The following TMEM244 variants were observed in gnomAD, a reference collection of about 807,000 sequenced individuals.
TMEM244 encodes the protein putative transmembrane protein 244.
Under a neutral mutation model 15.8 loss-of-function variants are expected in TMEM244, and 13 were observed. The observed-to-expected ratio is 0.82, with a 90% CI of 0.53 to 1.30. The LOEUF is 1.30. TMEM244 is among the 50% of genes most tolerant of loss of function. TMEM244 has a pLI of 0.00. For synonymous variants in TMEM244, 45 were observed against 48.7 expected, an observed-to-expected ratio of 0.92 and a Z score of 0.32; for missense variants, 161 against 144.9, an observed-to-expected ratio of 1.11 and a Z score of -0.57.
intron 3 of TMEM244, among the ~76,000 whole-genome samples, chr6:129,838,533 A>G (rs1426418812): frequency 6.6e-6 from 1 of 152,216 alleles, no homozygotes; most frequent in African/African-American, 2.4e-5. Flanking sequence ...ATAGAGAAGC[A>G]AGAGCAAAAA....
At chr6:129,844,585 C>G (rs911728435) in intron 2 of TMEM244, among the ~76,000 whole-genome samples, 9 of 152,190 alleles carry the variant, frequency 5.9e-5, no homozygotes, top group Admixed American at 1.3e-4. Context: ...GCTGGCCAAC[C>G]AGTTAGCTGC....
intron 3 of TMEM244, among the ~76,000 whole-genome samples, chr6:129,836,102 G>T (rs1169418764): frequency 1.3e-5 from 2 of 152,130 alleles, no homozygotes; most frequent in Non-Finnish European, 2.9e-5. Context: ...CAGACAGACT[G>T]CCTCCTCAAA....
chr6:129,836,840 A>G (rs542259817), intron 3 of TMEM244, among the ~76,000 whole-genome samples: 1 of 152,310 alleles, frequency 6.6e-6, no homozygotes, highest in East Asian at 1.9e-4. Flanking sequence ...CTGAAGATCA[A>G]ATTAATGAAA....
intron 3 of TMEM244, among the ~76,000 whole-genome samples, chr6:129,839,701 T>C (rs1021617662): frequency 2.0e-5 from 3 of 152,204 alleles, no homozygotes; most frequent in Non-Finnish European, 4.4e-5. Context: ...GCCCAAAGTC[T>C]CCTTAAGCTG....
intron 1 of TMEM244, among the ~76,000 whole-genome samples, chr6:129,859,386 CT>C (rs1241504486): frequency 3.9e-5 from 6 of 152,316 alleles, no homozygotes; most frequent in Admixed American, 3.3e-4. Flanking sequence ...AGATATGACT[CT>C]CTCACTTGTA....
chr6:129,841,007 A>T (rs138275832), intron 3 of TMEM244, among the ~76,000 whole-genome samples: 22,552 of 152,230 alleles, frequency 0.15, 1,830 homozygotes, highest in South Asian at 0.24. Flanking sequence ...ATTGCGGAAG[A>T]CTGTGTGGCG....
chr6:129,858,272 A>T (rs1776747249), intron 1 of TMEM244, among the ~76,000 whole-genome samples: 1 of 152,130 alleles, frequency 6.6e-6, no homozygotes, highest in African/African-American at 2.4e-5. Context: ...CTATACTCAA[A>T]TGATTTAAGT....
chr6:129,854,168 T>C (rs1229853562), intron 1 of TMEM244, among the ~76,000 whole-genome samples: 15 of 152,318 alleles, frequency 9.8e-5, no homozygotes, highest in Admixed American at 6.5e-5. Flanking sequence ...GGCTCCCTAA[T>C]ATATGTGTAG....
chr6:129,836,060 G>A (rs984348120), intron 3 of TMEM244, among the ~76,000 whole-genome samples: 1 of 152,154 alleles, frequency 6.6e-6, no homozygotes, highest in Non-Finnish European at 1.5e-5. Context: ...GAGAGCAGTT[G>A]TTCTCTCAGC....
rs144972173 is a variant in TMEM244, at chr6:129,842,992, T to C, written c.193+538A>G. Among the ~76,000 whole-genome samples, 565 of 151,942 alleles carry C rather than the reference T, an allele frequency of 3.7e-3. 3 individuals carry two copies. The highest frequency in any genetic ancestry group is 0.013 in the African/African-American group (541 of 41,470). On this transcript the variant is annotated intron_variant, in intron 3 of 4. Transcript: ENST00000368143. ...TGTTTTTCTTCTGCAGCAAGTTCTA[T>C]ACTATTTTGGGAAGAAAAATAAAAC...
At chr6:129,834,503 G>A (rs188359843) in intron 3 of TMEM244, among the ~76,000 whole-genome samples, 1 of 152,038 alleles carries the variant, frequency 6.6e-6, no homozygotes, top group East Asian at 1.9e-4. Context: ...ATTTTTCAAA[G>A]CAAAAAATAA....
intron 4 of TMEM244, among the ~76,000 whole-genome samples, chr6:129,833,092 A>G (rs1776353266): frequency 6.6e-6 from 1 of 152,206 alleles, no homozygotes; most frequent in Non-Finnish European, 1.5e-5. Context: ...AGTTTAGCTA[A>G]TAATAGTATT....
At chr6:129,837,726 GAAGATCTACCA>G (rs1562196250) in intron 3 of TMEM244, among the ~76,000 whole-genome samples, 1 of 152,128 alleles carries the variant, frequency 6.6e-6, no homozygotes, top group Non-Finnish European at 1.5e-5. Flanking sequence ...AGGGATGGAG[GAAGATCTACCA>G]AGCAAATGGA....
At chr6:129,857,169 T>A (rs1053287693) in intron 1 of TMEM244, among the ~76,000 whole-genome samples, 11 of 152,006 alleles carry the variant, frequency 7.2e-5, no homozygotes, top group African/African-American at 2.7e-4. Context: ...GTATTTTCAT[T>A]GATTGTTTTG....
intron 1 of TMEM244, among the ~76,000 whole-genome samples, chr6:129,849,052 A>G (rs982237063): frequency 1.3e-5 from 2 of 152,128 alleles, no homozygotes; most frequent in African/African-American, 4.8e-5. Context: ...CAAACCCAGA[A>G]AACCTACAAA....
rs1190802168 is a variant in TMEM244 at position 129,831,378 on chromosome 6, C to T, written c.328G>A (p.Glu110Lys). The T allele has an allele frequency of 6.4e-7, 1 of 1,572,990 alleles. No individual in the cohort carries two copies. The highest frequency in any genetic ancestry group is 8.8e-7 in the Non-Finnish European group (1 of 1,142,524). ...CACCAATGTGATGTCAAGGGGAATT[C>T]CAACATAACTGCAATAGAAAAAAAA... ...HVAITSTVML[E>K]FPLTSHWWAA... Residue 110 changes from glutamate (E) to lysine (K), a missense_variant, in exon 5 of 5, where the codon GAA becomes AAA. Transcript: ENST00000368143.
At chr6:129,850,904 C>A (rs1442688082) in intron 1 of TMEM244, among the ~76,000 whole-genome samples, 1 of 152,194 alleles carries the variant, frequency 6.6e-6, no homozygotes, top group African/African-American at 2.4e-5. Flanking sequence ...ACAGTTCTCA[C>A]CTCTGCCCGT....
chr6:129,850,915 C>T (rs1776629793), intron 1 of TMEM244, among the ~76,000 whole-genome samples: 1 of 152,170 alleles, frequency 6.6e-6, no homozygotes. Context: ...CTCTGCCCGT[C>T]CTCCAGCCTC....
chr6:129,834,148 A>G (rs1584179516), intron 3 of TMEM244, among the ~76,000 whole-genome samples: 1 of 152,238 alleles, frequency 6.6e-6, no homozygotes, highest in African/African-American at 2.4e-5. Context: ...ACAGGTATGG[A>G]TGGAGACACC....
Sources: allele counts gnomAD v4.1 joint callset (sites outside exome capture counted in the v4.1 genomes callset), GRCh38; gene constraint gnomAD v4.1.1; transcripts MANE v1.5; gene names NCBI Gene and HGNC (gene_info 2026-07-23, HGNC 2026-07-21).